Variants in GPC6 observed in about 807,000 individuals in gnomAD.
GPC6 encodes the protein glypican 6.
A neutral mutation model predicts 55.2 loss-of-function variants in GPC6; 14 were observed. The ratio of observed to expected loss-of-function variants is 0.25; its 90% confidence interval spans 0.17 to 0.40. The LOEUF is 0.40. Among genes scored for constraint, GPC6 ranks in the 10% least tolerant of loss-of-function variants. GPC6 has a pLI of 1.00. For synonymous variants in GPC6, 278 were observed against 259.6 expected, an observed-to-expected ratio of 1.07 and a Z score of -0.68; for missense variants, 641 against 708.5, an observed-to-expected ratio of 0.90 and a Z score of 1.08.
chr13:93,937,362 G>A (rs1281764782), intron 3 of GPC6, among the ~76,000 whole-genome samples: 4 of 152,184 alleles, frequency 2.6e-5, no homozygotes, highest in African/African-American at 9.7e-5. Flanking sequence ...ACAGTCAGCT[G>A]TATAGTGGCA....
intron 2 of GPC6, among the ~76,000 whole-genome samples, chr13:93,668,097 G>A (rs1177697837): frequency 6.6e-6 from 1 of 152,164 alleles, no homozygotes; most frequent in African/African-American, 2.4e-5. Context: ...TTTTCAAAAT[G>A]AGAAAGCTCT....
chr13:94,334,931 A>C (rs1877604213), intron 6 of GPC6, among the ~76,000 whole-genome samples: 1 of 152,230 alleles, frequency 6.6e-6, no homozygotes, highest in Non-Finnish European at 1.5e-5. Context: ...TGGGTGATTA[A>C]AGGTATGTGA....
chr13:93,886,760 G>GT (rs34144264), intron 3 of GPC6, among the ~76,000 whole-genome samples: 1,227 of 118,972 alleles, frequency 0.01, 11 homozygotes, highest in African/African-American at 0.022. Flanking sequence ...TTTTTTTTTT[G>GT]TTTTTTTTTT....
At chr13:93,931,438 A>C (rs1878167675) in intron 3 of GPC6, among the ~76,000 whole-genome samples, 1 of 3,466 alleles carries the variant, frequency 2.9e-4, no homozygotes, top group African/African-American at 3.1e-3. Context: ...TACACAGGCA[A>C]AAAAAAAAAA....
chr13:93,599,285 G>GT (rs1258353253), intron 2 of GPC6, among the ~76,000 whole-genome samples: 5 of 123,780 alleles, frequency 4.0e-5, no homozygotes, highest in East Asian at 2.3e-4. Context: ...CCAAATATTG[G>GT]TAAAAAAAAA....
At chr13:93,989,629 G>A (rs531871683) in intron 3 of GPC6, among the ~76,000 whole-genome samples, 5 of 152,196 alleles carry the variant, frequency 3.3e-5, no homozygotes, top group African/African-American at 7.2e-5. Flanking sequence ...GAAGATATAC[G>A]TGCTATGCTG....
At chr13:93,566,333 GT>G (rs1023064320) in intron 2 of GPC6, among the ~76,000 whole-genome samples, 4 of 152,126 alleles carry the variant, frequency 2.6e-5, no homozygotes, top group African/African-American at 9.7e-5. Context: ...TATTGTTAGT[GT>G]TTTTATATAA....
chr13:93,928,903 T>G (rs919662591), intron 3 of GPC6, among the ~76,000 whole-genome samples: 1 of 123,260 alleles, frequency 8.1e-6, no homozygotes, highest in Admixed American at 8.4e-5. Flanking sequence ...ATCTATATAG[T>G]AGGTGTGTGT....
At chr13:93,555,127 G>T (rs1019349998) in intron 2 of GPC6, among the ~76,000 whole-genome samples, 6 of 152,104 alleles carry the variant, frequency 3.9e-5, no homozygotes, top group African/African-American at 1.4e-4. Context: ...AAATTTATTT[G>T]CATGTTTTCT....
At chr13:93,755,401 T>A (rs562400301) in intron 2 of GPC6, among the ~76,000 whole-genome samples, 68 of 152,302 alleles carry the variant, frequency 4.5e-4, no homozygotes, top group South Asian at 1.7e-3. Flanking sequence ...GAGCTACTTC[T>A]ACTTCTGTGC....
chr13:93,623,095 C>A (rs1030399385), intron 2 of GPC6, among the ~76,000 whole-genome samples: 2 of 152,102 alleles, frequency 1.3e-5, no homozygotes, highest in African/African-American at 4.8e-5. Flanking sequence ...GGACTTCATT[C>A]TTTCTTATGG....
At chr13:93,719,515 C>T (rs1231089378) in intron 2 of GPC6, among the ~76,000 whole-genome samples, 7 of 151,972 alleles carry the variant, frequency 4.6e-5, no homozygotes, top group Non-Finnish European at 5.9e-5. Flanking sequence ...AATATACAAT[C>T]GTGCCATCTG....
At chr13:93,870,971 G>T (rs1315926751) in intron 3 of GPC6, among the ~76,000 whole-genome samples, 3 of 151,748 alleles carry the variant, frequency 2.0e-5, no homozygotes, top group African/African-American at 7.3e-5. Context: ...CTTTATTTCA[G>T]CTATTCATTT....
chr13:93,865,633 G>A (rs1318002691), intron 3 of GPC6, among the ~76,000 whole-genome samples: 1 of 151,658 alleles, frequency 6.6e-6, no homozygotes, highest in Non-Finnish European at 1.5e-5. Context: ...AGACTGCACT[G>A]TCTTTCATAT....
At chr13:93,801,217 C>G (rs1270371916) in intron 2 of GPC6, among the ~76,000 whole-genome samples, 1 of 152,208 alleles carries the variant, frequency 6.6e-6, no homozygotes, top group African/African-American at 2.4e-5. Context: ...TCCAGGCTAT[C>G]TCTGTCAGAG....
intron 4 of GPC6, among the ~76,000 whole-genome samples, chr13:94,170,638 A>C (rs1888532546): frequency 6.6e-6 from 1 of 152,228 alleles, no homozygotes; most frequent in South Asian, 2.1e-4. Flanking sequence ...CTATCCTCAA[A>C]ATCAGACTGG....
chr13:93,458,617 A>G (rs1878561146), intron 1 of GPC6, among the ~76,000 whole-genome samples: 1 of 152,162 alleles, frequency 6.6e-6, no homozygotes, highest in Admixed American at 6.5e-5. Flanking sequence ...AAATTGGGGA[A>G]AATATTTGGT....
chr13:93,527,888 T>G (rs748434905), intron 1 of GPC6, among the ~76,000 whole-genome samples: 3 of 152,172 alleles, frequency 2.0e-5, no homozygotes, highest in Non-Finnish European at 2.9e-5. Context: ...TAAAGAAATA[T>G]ACACTTATAG....
chr13:94,231,261 C>A (rs192202768), intron 4 of GPC6, among the ~76,000 whole-genome samples: 1 of 152,228 alleles, frequency 6.6e-6, no homozygotes, highest in Admixed American at 6.5e-5. Flanking sequence ...ATCACAAGGG[C>A]TATTTGTAGA....
Sources: allele counts gnomAD v4.1 joint callset (sites outside exome capture counted in the v4.1 genomes callset), GRCh38; gene constraint gnomAD v4.1.1; transcripts MANE v1.5; gene names NCBI Gene and HGNC (gene_info 2026-07-23, HGNC 2026-07-21).